The following LRP1B variants were observed in gnomAD, a reference collection of about 807,000 sequenced individuals.
LRP1B encodes the protein low-density lipoprotein receptor-related protein 1B.
A neutral mutation model predicts 556.6 loss-of-function variants in LRP1B; 217 were observed. The observed-to-expected ratio is 0.39, with a 90% CI of 0.35 to 0.44. The LOEUF (loss-of-function observed/expected upper bound fraction) is 0.44, where lower values mean the gene tolerates loss of function less well. LRP1B is among the 20% of genes least tolerant of loss of function. The pLI is 1.00. For synonymous variants in LRP1B, 2,047 were observed against 1,865.8 expected, an observed-to-expected ratio of 1.10 and a Z score of -2.50; for missense variants, 5,053 against 5,620.8, an observed-to-expected ratio of 0.90 and a Z score of 3.23.
At chr2:140,280,120 A>C (rs1008477594) in intron 84 of LRP1B, among the ~76,000 whole-genome samples, 110 of 151,932 alleles carry the variant, frequency 7.2e-4, no homozygotes, top group African/African-American at 2.5e-3. Context: ...TAATTTCCCC[A>C]AAAATAAAGG....
chr2:141,176,438 T>C (rs1201351370), intron 7 of LRP1B, among the ~76,000 whole-genome samples: 1 of 152,008 alleles, frequency 6.6e-6, no homozygotes, highest in Non-Finnish European at 1.5e-5. Context: ...TTTAAAAGTG[T>C]GTGGCATTTT....
At chr2:141,508,166 G>A (rs1000990534) in intron 2 of LRP1B, among the ~76,000 whole-genome samples, 2 of 151,966 alleles carry the variant, frequency 1.3e-5, no homozygotes, top group Admixed American at 6.6e-5. Flanking sequence ...TCTAAATGAT[G>A]ATTCTAGGTT....
rs182264401 is a variant in LRP1B at position 140,237,037 on chromosome 2, C to T, written c.13560+1115G>A. 2.8e-3 allele frequency among the ~76,000 whole-genome samples: 428 copies of T among 150,852 alleles called. 3 individuals are homozygous for T. Among genetic ancestry groups the T allele is most frequent in the African/African-American group, 9.7e-3 (400 of 41,338 alleles). ...TTTTGTGGCGAGAACATTAAAAATC[C>T]TTTTCTAGCTATTTTTAAATATACA... is the stretch of plus-strand genomic sequence containing the variant. On this transcript the variant is annotated intron_variant, in intron 89 of 90. Coordinates refer to ENST00000389484, the MANE Select transcript of LRP1B (RefSeq NM_018557.3).
intron 32 of LRP1B, among the ~76,000 whole-genome samples, chr2:140,782,529 G>A (rs761780704): frequency 7.2e-5 from 11 of 152,076 alleles, no homozygotes; most frequent in Middle Eastern, 3.4e-3. Context: ...CAGACCTCTC[G>A]CCTCCAGAAC....
chr2:141,039,880 G>T (rs1337183690), intron 11 of LRP1B, among the ~76,000 whole-genome samples: 5 of 151,952 alleles, frequency 3.3e-5, no homozygotes, highest in African/African-American at 1.2e-4. Flanking sequence ...ATCTCATCTA[G>T]TTCTGGAGAA....
At chr2:141,179,322 T>C (rs1440614260) in intron 7 of LRP1B, among the ~76,000 whole-genome samples, 3 of 152,010 alleles carry the variant, frequency 2.0e-5, no homozygotes, top group African/African-American at 4.8e-5. Context: ...TTGAAAACTT[T>C]CAGAAGGCAG....
chr2:140,532,416 G>T (rs573394975), intron 47 of LRP1B, among the ~76,000 whole-genome samples: 2 of 151,518 alleles, frequency 1.3e-5, no homozygotes. Flanking sequence ...GGGGGTGGGG[G>T]GTATGGAGTC....
intron 1 of LRP1B, among the ~76,000 whole-genome samples, chr2:142,010,554 CAAAAAAAAAAA>C (rs33927334): frequency 1.7e-5 from 1 of 60,248 alleles, no homozygotes; most frequent in African/African-American, 6.5e-5. Flanking sequence ...GATTCTGTCT[CAAAAAAAAAAA>C]AAAAAAAAAA....
At chr2:140,349,775 G>T (rs950511386) in intron 77 of LRP1B, among the ~76,000 whole-genome samples, 3 of 152,094 alleles carry the variant, frequency 2.0e-5, no homozygotes, top group Admixed American at 6.6e-5. Flanking sequence ...GTTAGCTATT[G>T]TGTTTGAGGG....
At chr2:140,807,901 A>G (rs1421911042) in intron 32 of LRP1B, among the ~76,000 whole-genome samples, 38 of 151,810 alleles carry the variant, frequency 2.5e-4, no homozygotes, top group Non-Finnish European at 1.5e-5. Flanking sequence ...AGACCAGCCT[A>G]GCCAACATGG....
At chr2:141,542,272 ATAAAG>A (rs1685288558) in intron 2 of LRP1B, among the ~76,000 whole-genome samples, 1 of 152,008 alleles carries the variant, frequency 6.6e-6, no homozygotes, top group African/African-American at 2.4e-5. Flanking sequence ...TTAAGATTAA[ATAAAG>A]TAATTTAACT....
At chr2:141,349,637 T>C (rs6757846) in intron 3 of LRP1B, among the ~76,000 whole-genome samples, 93,476 of 151,920 alleles carry the variant, frequency 0.62, 29,840 homozygotes, top group African/African-American at 0.72. Context: ...TGAACTGATA[T>C]CAAAGTGTCT....
chr2:140,638,560 T>C (rs913198502), intron 41 of LRP1B, among the ~76,000 whole-genome samples: 1 of 152,148 alleles, frequency 6.6e-6, no homozygotes, highest in Non-Finnish European at 1.5e-5. Flanking sequence ...AGATAGTCCA[T>C]GTCTGATTTG....
chr2:142,064,276 TC>T (rs1705022606), intron 1 of LRP1B, among the ~76,000 whole-genome samples: 1 of 151,574 alleles, frequency 6.6e-6, no homozygotes. Flanking sequence ...ATTGCAACTC[TC>T]CTGTTTACCA....
chr2:141,520,633 G>C (rs936809974), intron 2 of LRP1B, among the ~76,000 whole-genome samples: 1 of 151,966 alleles, frequency 6.6e-6, no homozygotes, highest in Non-Finnish European at 1.5e-5. Context: ...AAACGGGTCG[G>C]GAGAGGACTT....
intron 2 of LRP1B, among the ~76,000 whole-genome samples, chr2:141,570,794 C>G (rs1421199013): frequency 6.6e-6 from 1 of 151,382 alleles, no homozygotes; most frequent in East Asian, 1.9e-4. Flanking sequence ...AATCTGCAGC[C>G]AGAGTGCCTC....
chr2:140,617,335 C>G (rs1683293444), intron 41 of LRP1B, among the ~76,000 whole-genome samples: 1 of 151,828 alleles, frequency 6.6e-6, no homozygotes, highest in South Asian at 2.1e-4. Flanking sequence ...GTGATACCTG[C>G]AAAACAGAAA....
chr2:141,098,816 C>T lies in LRP1B; in HGVS notation c.1014-36543G>A, dbSNP rs111612656. On this transcript the variant is annotated intron_variant, in intron 7 of 90. Transcript: ENST00000389484. ...GGGATTACAGGCATGTGCCACCACA[C>T]CCAGCTGATTTTGTATTTTTAGTAG... 7.2e-3 allele frequency among the ~76,000 whole-genome samples: 1,101 copies of T among 152,284 alleles called. 11 individuals carry two copies. The highest frequency in any genetic ancestry group is 0.012 in the Non-Finnish European group (844 of 68,020).
At chr2:141,240,471 A>G (rs1452131594) in intron 5 of LRP1B, among the ~76,000 whole-genome samples, 1 of 152,124 alleles carries the variant, frequency 6.6e-6, no homozygotes, top group Non-Finnish European at 1.5e-5. Context: ...AAAGCAACAG[A>G]AAAATTATAT....
Sources: gnomAD v4.1 joint callset for allele counts (sites outside exome capture counted in the v4.1 genomes callset) on GRCh38, gnomAD v4.1.1 for gene constraint, MANE v1.5 for transcripts, NCBI Gene and HGNC (gene_info 2026-07-23, HGNC 2026-07-21) for gene names.